Variants in LEO1 observed in about 807,000 individuals in gnomAD.
The protein encoded by LEO1 is RNA polymerase-associated protein LEO1.
Under a neutral mutation model 80.4 loss-of-function variants are expected in LEO1, and 34 were observed. The ratio of observed to expected loss-of-function variants is 0.42; its 90% CI spans 0.32 to 0.56. The LOEUF (loss-of-function observed/expected upper bound fraction) is 0.56. Among genes scored for constraint, LEO1 ranks in the 20% least tolerant of loss-of-function variants. The pLI is 0.10. For missense variants in LEO1, 631 were observed against 814.2 expected (o/e 0.77, Z 2.74); for synonymous variants, 262 against 274.9 (o/e 0.95, Z 0.46).
rs1264625827 is a variant in LEO1, at chr15:51,938,210, A to G, written c.1947T>C (p.Asn649=). The change falls in exon 12 of 12, where the codon AAT becomes AAC. Residue 649 remains asparagine (N), a synonymous_variant. Coordinates refer to ENST00000299601, the MANE Select transcript of LEO1 (RefSeq NM_138792.4). ...TGATCACATACTTCTTATGCTTTTT[A>G]TTTGCTTTATCATCATCTTCTGCTT... ...KRKAEDDDKA[N]KKHKKYVISD... 1 of 1,610,924 alleles carries G rather than the reference A, an allele frequency of 6.2e-7. No individual in the cohort carries two copies. The highest frequency in any genetic ancestry group is 1.1e-5 in the South Asian group (1 of 90,854).
intron 11 of LEO1, among the ~76,000 whole-genome samples, chr15:51,942,965 G>A (rs2056867787): frequency 6.8e-6 from 1 of 146,724 alleles, no homozygotes; most frequent in South Asian, 2.2e-4. Context: ...AACAAATTTT[G>A]TCTAGTGCCA....
chr15:51,957,755 T>C (rs578178823), intron 6 of LEO1, among the ~76,000 whole-genome samples: 2 of 152,310 alleles, frequency 1.3e-5, no homozygotes, highest in Admixed American at 1.3e-4. Flanking sequence ...GCGCGGTGGC[T>C]CACACCTGTA....
intron 1 of LEO1, among the ~76,000 whole-genome samples, chr15:51,967,924 C>CACAA (rs2057091209): frequency 1.3e-5 from 2 of 152,258 alleles, no homozygotes; most frequent in Admixed American, 1.3e-4. Flanking sequence ...TGGCTCATGC[C>CACAA]TGTAATCCCA....
intron 1 of LEO1, 146 bp downstream of exon 1, chr15:51,971,542 T>C (rs1227770040): frequency 8.0e-6 from 6 of 751,784 alleles, no homozygotes; most frequent in Non-Finnish European, 1.4e-5. Context: ...CGGAGGAGGA[T>C]GGCACCTCCG....
At chr15:51,959,340 A>T (rs1339285426) in intron 5 of LEO1, among the ~76,000 whole-genome samples, 1 of 152,154 alleles carries the variant, frequency 6.6e-6, no homozygotes, top group Non-Finnish European at 1.5e-5. Flanking sequence ...GTTAATACAT[A>T]TTGCTTGAAA....
intron 2 of LEO1, among the ~76,000 whole-genome samples, chr15:51,963,981 C>T (rs1453866270): frequency 6.6e-6 from 1 of 150,882 alleles, no homozygotes; most frequent in South Asian, 2.1e-4. Flanking sequence ...CCGAAGCAGG[C>T]GGATCACGAG....
At chr15:51,970,050 A>G (rs765101477) in intron 1 of LEO1, among the ~76,000 whole-genome samples, 2 of 152,102 alleles carry the variant, frequency 1.3e-5, no homozygotes, top group Non-Finnish European at 2.9e-5. Flanking sequence ...CACTATGGAA[A>G]ACAGTTTGGC....
intron 8 of LEO1, 110 bp downstream of exon 8, chr15:51,953,019 T>G (rs1194897885): frequency 1.2e-6 from 1 of 853,496 alleles, no homozygotes; most frequent in African/African-American, 1.7e-5. Context: ...TCTTGGTTCT[T>G]GCTGAATCAT....
At chr15:51,959,026 G>A (rs189672589) in intron 5 of LEO1, among the ~76,000 whole-genome samples, 200 bp from the exon 6 acceptor site, 1,474 of 145,426 alleles carry the variant, frequency 0.01, 23 homozygotes, top group African/African-American at 0.036. Context: ...TTTTGAGACC[G>A]AGCTTTGCTC....
At position 51,959,989 on chromosome 15, in the gene LEO1, C is replaced by G; in HGVS notation, c.1070G>C (p.Arg357Thr). The G allele has an allele frequency of 6.2e-7, 1 of 1,613,552 alleles. No homozygotes were observed. Among genetic ancestry groups the G allele is most frequent in the Non-Finnish European group, 8.5e-7 (1 of 1,179,766 alleles). ...QQEEEPIPET[R>T]IEVEIPKVNT... Reference sequence around the variant, plus strand: ...TACTTTGGGTATTTCTACTTCTATTCTGGTCTCAGGAATTGGCTCCTCTTC... The same window carrying G: ...TACTTTGGGTATTTCTACTTCTATTGTGGTCTCAGGAATTGGCTCCTCTTC... Residue 357 changes from arginine (R) to threonine (T), a missense_variant, in exon 5 of 12, where the codon AGA (arginine) becomes ACA (threonine). By Grantham distance (71) the Arg-to-Thr change is moderately conservative. Coordinates refer to ENST00000299601, the MANE Select transcript of LEO1 (RefSeq NM_138792.4).
chr15:51,954,488 C>T lies in LEO1; in HGVS notation c.1333G>A (p.Asp445Asn). 3.1e-6 allele frequency: 5 copies of T among 1,609,824 alleles called. No homozygotes were observed. Among genetic ancestry groups the T allele is most frequent in the Non-Finnish European group, 4.3e-6 (5 of 1,176,090 alleles). The change falls in exon 7 of 12, where the codon GAT becomes AAT. Residue 445 changes from aspartate (D) to asparagine (N), a missense_variant. Transcript: ENST00000299601. The stretch of plus-strand genomic sequence containing the variant: ...CAGGCGTTTTGTGCTCACCTTCCAT[C>T]TGACCACTTGACTATCCGAGCATTG... ...ESNARIVKWS[D>N]GSMSLHLGNE...
chr15:51,946,459 G>C (rs1446826873), intron 11 of LEO1, among the ~76,000 whole-genome samples: 2 of 152,142 alleles, frequency 1.3e-5, no homozygotes, highest in Non-Finnish European at 2.9e-5. Flanking sequence ...GCCTCCCAAA[G>C]TGCTGGGATT....
At chr15:51,941,949 G>A (rs1262456201) in intron 11 of LEO1, among the ~76,000 whole-genome samples, 5 of 152,348 alleles carry the variant, frequency 3.3e-5, no homozygotes, top group East Asian at 1.9e-4. Flanking sequence ...CACCAAAATC[G>A]ATGCAGTTCA....
chr15:51,949,527 C>T (rs1284988546), intron 10 of LEO1, among the ~76,000 whole-genome samples: 2 of 152,052 alleles, frequency 1.3e-5, no homozygotes, highest in Non-Finnish European at 2.9e-5. Flanking sequence ...TGGTGAAACC[C>T]CGTCTCTACT....
At chr15:51,945,927 G>A (rs1474441983) in intron 11 of LEO1, among the ~76,000 whole-genome samples, 2 of 151,794 alleles carry the variant, frequency 1.3e-5, no homozygotes, top group Admixed American at 6.6e-5. Flanking sequence ...CCAGCTACTC[G>A]GGAGGCTGAG....
chr15:51,941,222 T>C (rs1385206088), intron 11 of LEO1, among the ~76,000 whole-genome samples: 2 of 152,178 alleles, frequency 1.3e-5, no homozygotes, highest in East Asian at 3.8e-4. Context: ...AAATTACACA[T>C]GTGGGATGCT....
intron 11 of LEO1, among the ~76,000 whole-genome samples, chr15:51,941,972 C>T (rs1383390083): frequency 6.6e-6 from 1 of 152,244 alleles, no homozygotes. Context: ...CTAATATAGA[C>T]TGGCCCTTGC....
chr15:51,962,035 G>A (rs982705288), intron 3 of LEO1, among the ~76,000 whole-genome samples: 4 of 151,834 alleles, frequency 2.6e-5, no homozygotes, highest in Non-Finnish European at 5.9e-5. Flanking sequence ...ATGGTGGTAC[G>A]TTCCTGTAAT....
chr15:51,971,691 T>TA lies in LEO1; in HGVS notation c.54dup (p.Lys19Ter). ...CTCCGAAGACCAGCGAACCCACCTT[T>TA]ACGCTCAGCTTCGCTGTCGGCGTCG... On this transcript the variant is annotated frameshift_variant, in exon 1 of 12. Transcript: ENST00000299601. LOFTEE classifies it high-confidence loss of function. 1 of 1,614,152 alleles carries TA rather than the reference T, an allele frequency of 6.2e-7. No individual in the cohort carries two copies. Among genetic ancestry groups the TA allele is most frequent in the Non-Finnish European group, 8.5e-7 (1 of 1,180,018 alleles).
Sources: gnomAD v4.1 joint callset for allele counts (sites outside exome capture counted in the v4.1 genomes callset) on GRCh38, gnomAD v4.1.1 for gene constraint, MANE v1.5 for transcripts, NCBI Gene and HGNC (gene_info 2026-07-23, HGNC 2026-07-21) for gene names.